Variants in PALLD observed in about 807,000 individuals in gnomAD.
PALLD encodes the protein palladin, cytoskeletal associated protein, also known as palladin.
Under a neutral mutation model 123.5 loss-of-function variants are expected in PALLD, and 61 were observed. The observed-to-expected ratio is 0.49, with a 90% CI of 0.40 to 0.61. PALLD has a LOEUF of 0.61. PALLD is among the 20% of genes least tolerant of loss of function. The pLI is 0.00. For missense variants in PALLD, 1,273 were observed against 1,377.0 expected (o/e 0.92, Z 1.20); for synonymous variants, 465 against 496.4 (o/e 0.94, Z 0.84).
chr4:168,705,863 G>A (rs1244330988), intron 8 of PALLD, among the ~76,000 whole-genome samples: 1 of 152,044 alleles, frequency 6.6e-6, no homozygotes, highest in Non-Finnish European at 1.5e-5. Context: ...GGTTGGTCTT[G>A]AACTCCTGAC....
intron 3 of PALLD, among the ~76,000 whole-genome samples, chr4:168,672,864 CTAAG>C (rs1248364230): frequency 2.0e-5 from 3 of 152,116 alleles, no homozygotes; most frequent in Admixed American, 6.5e-5. Flanking sequence ...TTTTAAAAGG[CTAAG>C]TAATGACCAA....
At chr4:168,819,096 C>T (rs1220402234) in intron 10 of PALLD, among the ~76,000 whole-genome samples, 1 of 152,104 alleles carries the variant, frequency 6.6e-6, no homozygotes, top group Non-Finnish European at 1.5e-5. Flanking sequence ...TCAGAGTTTA[C>T]CTATCCAGCA....
chr4:168,590,064 T>C (rs1771245910), intron 2 of PALLD, among the ~76,000 whole-genome samples: 1 of 152,208 alleles, frequency 6.6e-6, no homozygotes, highest in African/African-American at 2.4e-5. Flanking sequence ...CAGGCTGGGC[T>C]CAGTGGCTCA....
intron 5 of PALLD, among the ~76,000 whole-genome samples, chr4:168,684,799 A>C (rs1160206520): frequency 6.6e-6 from 1 of 152,208 alleles, no homozygotes; most frequent in Non-Finnish European, 1.5e-5. Flanking sequence ...GCATATTTAG[A>C]CACACGATAC....
Position 168,750,354 on chromosome 4 carries a change from A to G in PALLD, c.1964+38431A>G, listed in dbSNP as rs191979208. On this transcript the variant is annotated intron_variant, in intron 10 of 21. Coordinates refer to ENST00000505667, the MANE Select transcript of PALLD (RefSeq NM_001166108.2). ...CATCCATGTTGCTGCAAAGGATAAA[A>G]TTTTGTTCTTTTTTATGGCTGCATA... is the stretch of plus-strand genomic sequence containing the variant. Among the ~76,000 whole-genome samples, 10 of 152,270 alleles carry G rather than the reference A, an allele frequency of 6.6e-5. No individual in the cohort carries two copies. In the East Asian group the frequency reaches 1.7e-3, roughly 27 times the overall value.
At chr4:168,715,225 C>T (rs563063034) in intron 10 of PALLD, among the ~76,000 whole-genome samples, 5 of 152,198 alleles carry the variant, frequency 3.3e-5, no homozygotes, top group African/African-American at 9.6e-5. Flanking sequence ...GTATCGTGGA[C>T]GCATCCACTT....
chr4:168,727,485 A>G (rs959014639), intron 10 of PALLD, among the ~76,000 whole-genome samples: 1 of 151,946 alleles, frequency 6.6e-6, no homozygotes, highest in South Asian at 2.1e-4. Context: ...GCATTTTTTC[A>G]TATGTTTGTT....
At chr4:168,678,679 C>T (rs930054886) in intron 3 of PALLD, among the ~76,000 whole-genome samples, 9 of 152,022 alleles carry the variant, frequency 5.9e-5, no homozygotes, top group Non-Finnish European at 1.2e-4. Flanking sequence ...CCATCACAGC[C>T]CGTGCCCCTC....
chr4:168,724,999 A>G (rs1482356100), intron 10 of PALLD, among the ~76,000 whole-genome samples: 4 of 152,182 alleles, frequency 2.6e-5, no homozygotes, highest in Non-Finnish European at 5.9e-5. Context: ...TGTCTGCTCT[A>G]TGCTCTGCTC....
At chr4:168,807,381 G>C (rs1740376062) in intron 10 of PALLD, among the ~76,000 whole-genome samples, 1 of 152,040 alleles carries the variant, frequency 6.6e-6, no homozygotes, top group African/African-American at 2.4e-5. Context: ...GCAACATATT[G>C]AGACTCATTC....
intron 2 of PALLD, among the ~76,000 whole-genome samples, chr4:168,548,841 C>G (rs866246167): frequency 1.1e-4 from 17 of 152,020 alleles, no homozygotes; most frequent in African/African-American, 3.9e-4. Flanking sequence ...ATTTGAGGAG[C>G]GTGGTAAATA....
At chr4:168,511,174 C>T (rs1290192790) in intron 1 of PALLD, among the ~76,000 whole-genome samples, 2 of 152,246 alleles carry the variant, frequency 1.3e-5, no homozygotes, top group East Asian at 3.9e-4. Context: ...CTAATAGTGC[C>T]TACTGCACAC....
At chr4:168,655,170 T>C (rs914518113) in intron 2 of PALLD, among the ~76,000 whole-genome samples, 3 of 152,210 alleles carry the variant, frequency 2.0e-5, no homozygotes, top group Non-Finnish European at 4.4e-5. Context: ...ATACTTCATT[T>C]ATCATAGCTC....
chr4:168,543,755 G>A (rs1228259906), intron 2 of PALLD, among the ~76,000 whole-genome samples: 2 of 152,122 alleles, frequency 1.3e-5, no homozygotes, highest in African/African-American at 2.4e-5. Context: ...CCAGCCTTTC[G>A]AAAAGTCTTA....
chr4:168,917,982 C>T (rs993276574), intron 17 of PALLD, among the ~76,000 whole-genome samples: 5 of 151,912 alleles, frequency 3.3e-5, no homozygotes, highest in African/African-American at 9.7e-5. Context: ...GGGCGGATCA[C>T]GAGGTCAGGA....
intron 2 of PALLD, among the ~76,000 whole-genome samples, chr4:168,642,219 G>A (rs370059893): frequency 1.3e-4 from 20 of 152,056 alleles, no homozygotes; most frequent in African/African-American, 4.6e-4. Context: ...GTTTTATCAA[G>A]GAACAAGTAG....
At chr4:168,741,344 T>TG (rs56690887) in intron 10 of PALLD, among the ~76,000 whole-genome samples, 32,299 of 85,922 alleles carry the variant, frequency 0.38, 4,652 homozygotes, top group African/African-American at 0.52. Flanking sequence ...ATATTTGTTT[T>TG]TTTTGTGTGT....
In PALLD at chr4:168,625,502, G is replaced by GATAGATATATATATATAT; in HGVS notation, c.909-42685_909-42684insGATATATATATATATATA. On this transcript the variant is annotated intron_variant, in intron 2 of 21. Transcript: ENST00000505667. ...TCCAATAAGGGATTAATATCCAGGA[G>GATAGATATATATATATAT]ATATATATATATATATCCTATAAGG... Among the ~76,000 whole-genome samples the GATAGATATATATATATAT allele has an allele frequency of 2.8e-3, 316 of 114,446 alleles. 6 individuals carry two copies. Among genetic ancestry groups the GATAGATATATATATATAT allele is most frequent in the Non-Finnish European group, 3.8e-3 (207 of 54,878 alleles). 75.1% of individuals were successfully genotyped at this position (114,446 alleles called of 152,430 possible). A position where few individuals can be genotyped will look rare whatever the true frequency, so the allele number is the denominator to read the frequency against.
At chr4:168,626,683 C>G (rs987609016) in intron 2 of PALLD, among the ~76,000 whole-genome samples, 7 of 150,198 alleles carry the variant, frequency 4.7e-5, no homozygotes, top group Non-Finnish European at 8.9e-5. Context: ...TGCATTCCAG[C>G]CTGGGTAACA....
Sources: allele counts gnomAD v4.1 joint callset (sites outside exome capture counted in the v4.1 genomes callset), GRCh38; gene constraint gnomAD v4.1.1; transcripts MANE v1.5; gene names NCBI Gene and HGNC (gene_info 2026-07-23, HGNC 2026-07-21).